Variants in EYS observed in about 807,000 individuals in gnomAD.
EYS encodes protein eyes shut homolog.
Under a neutral mutation model 282.1 loss-of-function variants are expected in EYS, and 250 were observed. The ratio of observed to expected loss-of-function variants is 0.89; its 90% CI spans 0.80 to 0.98. EYS has a LOEUF of 0.98. Ranked by LOEUF, EYS falls within the 50% of genes least tolerant of loss-of-function variation. The pLI is 0.00. For synonymous variants in EYS, 1,355 were observed against 1,282.9 expected (o/e 1.06, Z -1.20); for missense variants, 4,016 against 3,709.0 (o/e 1.08, Z -2.15).
chr6:64,741,698 T>G (rs995526788), intron 22 of EYS, among the ~76,000 whole-genome samples: 1 of 152,236 alleles, frequency 6.6e-6, no homozygotes, highest in Non-Finnish European at 1.5e-5. Context: ...TGTACTTTTA[T>G]GTTATGGAAA....
At chr6:64,600,258 T>TATTATTTAAGTGTTAAAA (rs6149621) in intron 24 of EYS, among the ~76,000 whole-genome samples, 92,107 of 151,414 alleles carry the variant, frequency 0.61, 28,394 homozygotes, top group African/African-American at 0.71. Flanking sequence ...CAATTCTCTC[T>TATTATTTAAGTGTTAAAA]ATGGTTTCTG....
At chr6:64,997,444 G>T in intron 14 of EYS, 138 bp downstream of exon 14, 1 of 747,330 alleles carries the variant, frequency 1.3e-6, no homozygotes, top group Non-Finnish European at 2.0e-6. Flanking sequence ...TTGAGTTTCT[G>T]TTTTCTAACC....
intron 22 of EYS, among the ~76,000 whole-genome samples, chr6:64,649,766 T>C (rs1014385274): frequency 6.6e-6 from 1 of 152,174 alleles, no homozygotes; most frequent in Non-Finnish European, 1.5e-5. Context: ...AGAGAAAAAT[T>C]TGAGTATCTT....
intron 31 of EYS, among the ~76,000 whole-genome samples, chr6:64,194,486 G>A (rs1349671240): frequency 1.3e-5 from 2 of 151,888 alleles, no homozygotes; most frequent in Admixed American, 1.3e-4. Context: ...TATATTTTTT[G>A]TTGTAGTTTC....
intron 12 of EYS, among the ~76,000 whole-genome samples, chr6:65,224,231 A>G (rs372631152): frequency 6.6e-6 from 1 of 152,220 alleles, no homozygotes; most frequent in African/African-American, 2.4e-5. Flanking sequence ...AGGGATCACA[A>G]TGAAATAAGT....
At chr6:63,843,246 A>G (rs1275494676) in intron 36 of EYS, among the ~76,000 whole-genome samples, 1 of 152,118 alleles carries the variant, frequency 6.6e-6, no homozygotes, top group African/African-American at 2.4e-5. Context: ...ATGAGCATGG[A>G]ACGTTTTTCC....
At chr6:64,587,423 A>G (rs1766266833) in intron 26 of EYS, among the ~76,000 whole-genome samples, 1 of 152,050 alleles carries the variant, frequency 6.6e-6, no homozygotes, top group Non-Finnish European at 1.5e-5. Context: ...AGGTATATAT[A>G]ATGGTTCAAT....
intron 12 of EYS, among the ~76,000 whole-genome samples, chr6:65,263,780 C>T (rs1767680598): frequency 6.7e-6 from 1 of 150,054 alleles, no homozygotes; most frequent in Non-Finnish European, 1.5e-5. Flanking sequence ...GTAGCTTGCG[C>T]TTGTCAGTTA....
intron 24 of EYS, among the ~76,000 whole-genome samples, chr6:64,600,034 T>A (rs151337760): frequency 6.6e-6 from 1 of 152,158 alleles, no homozygotes; most frequent in African/African-American, 2.4e-5. Flanking sequence ...CTATTGACAG[T>A]AACATTTGAA....
At chr6:64,525,829 C>T (rs922218471) in intron 26 of EYS, among the ~76,000 whole-genome samples, 1 of 151,590 alleles carries the variant, frequency 6.6e-6, no homozygotes, top group African/African-American at 2.4e-5. Flanking sequence ...AAAAACTAAC[C>T]ATGCAACTAC....
chr6:65,424,315 A>G (rs1767583136), intron 5 of EYS, among the ~76,000 whole-genome samples: 1 of 150,296 alleles, frequency 6.7e-6, no homozygotes, highest in Non-Finnish European at 1.5e-5. Context: ...GATTTTTCTG[A>G]TGGTCTGTGA....
At chr6:64,022,714 G>A (rs1030114538) in intron 33 of EYS, among the ~76,000 whole-genome samples, 1 of 152,284 alleles carries the variant, frequency 6.6e-6, no homozygotes, top group Non-Finnish European at 1.5e-5. Flanking sequence ...AATATCTACT[G>A]AAACAGGCTG....
At chr6:65,609,351 T>A (rs76785556) in intron 2 of EYS, among the ~76,000 whole-genome samples, 9 of 128,536 alleles carry the variant, frequency 7.0e-5, no homozygotes, top group Admixed American at 3.9e-4. Context: ...AAAAAAAAAA[T>A]CTAATACTAA....
intron 31 of EYS, among the ~76,000 whole-genome samples, chr6:64,168,790 G>A (rs867945978): frequency 1.3e-4 from 20 of 152,064 alleles, no homozygotes; most frequent in Admixed American, 6.6e-4. Flanking sequence ...ATTTTTTTGG[G>A]GGTGATGGAA....
intron 40 of EYS, among the ~76,000 whole-genome samples, chr6:63,763,562 T>C (rs1262658025): frequency 6.6e-6 from 1 of 151,734 alleles, no homozygotes; most frequent in African/African-American, 2.4e-5. Flanking sequence ...CCTGTTCTCA[T>C]GGTAATGAGT....
intron 29 of EYS, among the ~76,000 whole-genome samples, chr6:64,309,287 T>C (rs916855622): frequency 1.3e-5 from 2 of 152,176 alleles, no homozygotes; most frequent in South Asian, 4.1e-4. Context: ...ATAAAGGAAA[T>C]GACTCTATGA....
chr6:65,127,975 T>A (rs552520592), intron 12 of EYS, among the ~76,000 whole-genome samples: 1 of 151,410 alleles, frequency 6.6e-6, no homozygotes, highest in African/African-American at 2.4e-5. Flanking sequence ...ATCAATCAAA[T>A]AATAATAATA....
At chr6:64,898,714 G>A (rs955532771) in intron 18 of EYS, among the ~76,000 whole-genome samples, 10 of 149,002 alleles carry the variant, frequency 6.7e-5, no homozygotes, top group African/African-American at 9.9e-5. Flanking sequence ...GATGCATCTC[G>A]TATGCAAAGA....
At chr6:65,675,042 T>C (rs867566017) in intron 1 of EYS, among the ~76,000 whole-genome samples, 3 of 151,934 alleles carry the variant, frequency 2.0e-5, no homozygotes, top group African/African-American at 4.8e-5. Context: ...CAGCTTAAAA[T>C]AGATTGTTAT....
Sources: gnomAD v4.1 joint callset for allele counts (sites outside exome capture counted in the v4.1 genomes callset) on GRCh38, gnomAD v4.1.1 for gene constraint, MANE v1.5 for transcripts, NCBI Gene and HGNC (gene_info 2026-07-23, HGNC 2026-07-21) for gene names.